Variants in ENOSF1 observed in about 807,000 individuals in gnomAD.
ENOSF1 encodes the protein mitochondrial enolase superfamily member 1.
A neutral mutation model predicts 68.2 loss-of-function variants in ENOSF1; 73 were observed. The ratio of observed to expected loss-of-function variants is 1.07; its 90% confidence interval spans 0.89 to 1.30. The LOEUF (loss-of-function observed/expected upper bound fraction) is 1.30, where lower values mean the gene tolerates loss of function less well. Ranked by LOEUF, ENOSF1 falls within the 50% of genes most tolerant of loss-of-function variation. The pLI, the probability that ENOSF1 is intolerant of heterozygous loss-of-function variation, is 0.00. For missense variants in ENOSF1, 589 were observed against 554.5 expected (o/e 1.06, Z -0.62); for synonymous variants, 223 against 210.4 (o/e 1.06, Z -0.52).
At chr18:689,413 T>A (rs936340221) in intron 8 of ENOSF1, among the ~76,000 whole-genome samples, 3 of 152,146 alleles carry the variant, frequency 2.0e-5, no homozygotes, top group African/African-American at 7.2e-5. Context: ...CCTGAGTGGC[T>A]GGGACTACAG....
downstream of ENOSF1, chr18:669,499 A>C: frequency 4.8e-6 from 1 of 207,700 alleles, no homozygotes; most frequent in South Asian, 9.5e-5. Context: ...CAGCCTCCCA[A>C]GTAGCTGGGA....
chr18:688,736 G>A, intron 8 of ENOSF1, 128 bp from the exon 9 acceptor site: 1 of 786,932 alleles, frequency 1.3e-6, no homozygotes, highest in South Asian at 1.7e-5. Context: ...CCCATGTGTT[G>A]TTGAAATTAA....
rs2075141166 is a variant in ENOSF1, at chr18:673,084, A to C, written c.*1221T>G. ...GTAAAAGTTCTTTTTGCTCTAAAAGAAAAAGGAACTAGGTCAAAAATCTGT... is the reference window on the plus strand; with the variant it reads ...GTAAAAGTTCTTTTTGCTCTAAAAGCAAAAGGAACTAGGTCAAAAATCTGT... On this transcript the variant is annotated 3_prime_UTR_variant, in exon 16 of 16. Transcript: ENST00000647584. 2.2e-6 allele frequency: 3 copies of C among 1,385,788 alleles called. No homozygotes were observed. The highest frequency in any genetic ancestry group is 2.9e-6 in the Non-Finnish European group (3 of 1,041,324). The allele number at this position is 1,385,788 out of a possible 1,614,324, so 85.8% of individuals were successfully genotyped here.
chr18:709,999 G>A (rs546123348), intron 1 of ENOSF1, among the ~76,000 whole-genome samples: 1 of 152,304 alleles, frequency 6.6e-6, no homozygotes, highest in Admixed American at 6.5e-5. Flanking sequence ...AAGATAAAAT[G>A]CTTAAGTATT....
At chr18:699,039 G>A (rs554155552) in intron 2 of ENOSF1, among the ~76,000 whole-genome samples, 2 of 152,256 alleles carry the variant, frequency 1.3e-5, no homozygotes, top group Admixed American at 6.5e-5. Context: ...GTAGTGACAA[G>A]GTCTTGCTAT....
intron 1 of ENOSF1, among the ~76,000 whole-genome samples, chr18:708,022 GC>G: frequency 8.9e-6 from 1 of 112,128 alleles, no homozygotes; most frequent in Admixed American, 1.0e-4. Context: ...ACTATGACCA[GC>G]TTTTTTTTTT....
chr18:685,046 TAG>T (rs767262575), intron 10 of ENOSF1, among the ~76,000 whole-genome samples: 87 of 152,200 alleles, frequency 5.7e-4, no homozygotes, highest in African/African-American at 1.9e-3. Flanking sequence ...TTCTTTCTTT[TAG>T]AGAGAGAGTC....
intron 12 of ENOSF1, chr18:678,390 C>T (rs2075731256): frequency 2.2e-6 from 1 of 446,294 alleles, no homozygotes; most frequent in African/African-American, 2.0e-5. Flanking sequence ...AATTTGAAAG[C>T]TGGCTTTCTT....
chr18:693,848 C>A (rs1401199534), intron 5 of ENOSF1, 34 bp downstream of exon 5: 2 of 1,612,670 alleles, frequency 1.2e-6, no homozygotes, highest in Non-Finnish European at 1.7e-6. Context: ...ATTTCATTTA[C>A]AGAAACAATT....
In ENOSF1 at chr18:672,546, G is replaced by C. The variant is rs1346891604; in HGVS notation, c.*1759C>G. The C allele has an allele frequency of 4.6e-5, 9 of 196,700 alleles. No homozygotes were observed. The highest frequency in any genetic ancestry group is 9.4e-5 in the Non-Finnish European group (9 of 95,714). The allele number at this position is 196,700 out of a possible 1,614,324, so 12.2% of individuals were successfully genotyped here. ...ATTCAAGTAAACGTAGAGCTACTAT[G>C]AGTTACAGATTGACTGTGTTCCTGT... On this transcript the variant is annotated 3_prime_UTR_variant, in exon 16 of 16. Transcript: ENST00000647584.
In ENOSF1 at chr18:683,306, T is replaced by G; in HGVS notation, c.816A>C (p.Pro272=). 1 of 1,614,170 alleles carries G rather than the reference T, an allele frequency of 6.2e-7. No homozygotes were observed. The change falls in exon 11 of 16, where the codon CCA becomes CCC. Residue 272 remains proline (P), a synonymous_variant. Coordinates refer to ENST00000647584, the MANE Select transcript of ENOSF1 (RefSeq NM_017512.7). The part of the protein sequence containing the change: ...EWMSKLAKFK[P]LWIEEPTSPD... ...GGGAGGTTGGCTCCTCAATCCACAA[T>G]GGCTTGAACTTGGCCAGCTTGGACA...
At chr18:695,675 G>A (rs2077639387) in intron 3 of ENOSF1, among the ~76,000 whole-genome samples, 1 of 152,074 alleles carries the variant, frequency 6.6e-6, no homozygotes. Context: ...TTGAACTCCT[G>A]GCCTTAAGTG....
chr18:693,418 C>T lies in ENOSF1; in HGVS notation c.423+464G>A, dbSNP rs533567973. ...GCAGCCTGAAACTCCTGGGCTCAAGCCATCCTCCAGCCTTCCAAAGTATTG... is the reference window on the plus strand; with the variant it reads ...GCAGCCTGAAACTCCTGGGCTCAAGTCATCCTCCAGCCTTCCAAAGTATTG... On this transcript the variant is annotated intron_variant, in intron 5 of 15. Coordinates refer to ENST00000647584, the MANE Select transcript of ENOSF1 (RefSeq NM_017512.7). 4.0e-5 allele frequency: 45 copies of T among 1,137,054 alleles called. No homozygotes were observed. In the African/African-American group the frequency reaches 6.5e-4, roughly 16 times the overall value. The allele number at this position is 1,137,054 out of a possible 1,614,324, so 70.4% of individuals were successfully genotyped here.
At position 677,692 on chromosome 18, in the gene ENOSF1, T is replaced by C. The variant is rs553213051; in HGVS notation, c.1048+51A>G. ...ATTGCAAACCATCAAGGGAGGTGTCTGATTAGTGGGGAAATGAAGGTCTGG... is the reference window on the plus strand; with the variant it reads ...ATTGCAAACCATCAAGGGAGGTGTCCGATTAGTGGGGAAATGAAGGTCTGG... On this transcript the variant is annotated intron_variant, in intron 13 of 15. Transcript: ENST00000647584. The C allele has an allele frequency of 9.5e-6, 15 of 1,577,452 alleles. No homozygotes were observed. In the East Asian group the frequency reaches 3.4e-4, roughly 36 times the overall value.
At chr18:692,635 A>G (rs1429156442) in intron 5 of ENOSF1, 21 of 761,068 alleles carry the variant, frequency 2.8e-5, no homozygotes, top group South Asian at 2.4e-4. Context: ...AAGAAAAAAG[A>G]AAAGAGTACT....
chr18:677,981 C>T (rs965948636), intron 12 of ENOSF1, 109 bp from the exon 13 acceptor site: 7 of 1,299,962 alleles, frequency 5.4e-6, no homozygotes, highest in Middle Eastern at 2.0e-4. Flanking sequence ...CATCAGTGGC[C>T]GTCAGGAAGC....
chr18:667,328 TGATGGA>T (rs1250375821), downstream of ENOSF1, among the ~76,000 whole-genome samples: 14 of 29,140 alleles, frequency 4.8e-4, no homozygotes, highest in Non-Finnish European at 7.5e-4. Context: ...ATGGTGATGG[TGATGGA>T]GATGGTGATG....
At chr18:675,109 T>C (rs1473576825) in intron 15 of ENOSF1, among the ~76,000 whole-genome samples, 1 of 152,218 alleles carries the variant, frequency 6.6e-6, no homozygotes, top group Non-Finnish European at 1.5e-5. Context: ...GAAAGGCTAG[T>C]ATTACAGAAG....
Position 691,074 on chromosome 18 carries a change from C to A in ENOSF1, c.529G>T (p.Glu177Ter). The A allele has an allele frequency of 6.2e-7, 1 of 1,614,152 alleles. No individual in the cohort carries two copies. Among genetic ancestry groups the A allele is most frequent in the Non-Finnish European group, 8.5e-7 (1 of 1,180,012 alleles). The change falls in exon 7 of 16, where the codon GAA becomes TAA. Residue 177 changes from glutamate (E) to a stop codon, truncating the protein, a stop_gained. Coordinates refer to ENST00000647584, the MANE Select transcript of ENOSF1 (RefSeq NM_017512.7). LOFTEE classifies it high-confidence loss of function. ...ILQKGQIGKK[E>*]REKQMLAQGY... The stretch of plus-strand genomic sequence containing the variant: ...AAATTTTCTTACAACCCACCTCTTT[C>A]TTTTTTACCAATTTGACCTTTCTGC...
Sources: gnomAD v4.1 joint callset for allele counts (sites outside exome capture counted in the v4.1 genomes callset) on GRCh38, gnomAD v4.1.1 for gene constraint, MANE v1.5 for transcripts, NCBI Gene and HGNC (gene_info 2026-07-23, HGNC 2026-07-21) for gene names.